The following ENTREP2 variants were observed in gnomAD, a reference collection of about 807,000 sequenced individuals.
ENTREP2 encodes the protein endosomal transmembrane epsin interactor 2.
At chr15:29,548,862 G>C in the ENTREP2 span, among the ~76,000 whole-genome samples, 1 of 152,144 alleles carries the variant, frequency 6.6e-6, no homozygotes, top group Non-Finnish European at 1.5e-5. Context: ...AAACGATTCA[G>C]GGAACCTACT....
the ENTREP2 span, among the ~76,000 whole-genome samples, chr15:29,589,019 A>C: frequency 6.6e-6 from 1 of 152,066 alleles, no homozygotes; most frequent in African/African-American, 2.4e-5. Context: ...AAAGAAAAAA[A>C]AGGCTAAACT....
the ENTREP2 span, among the ~76,000 whole-genome samples, chr15:29,464,050 G>A: frequency 3.9e-4 from 60 of 152,124 alleles, no homozygotes; most frequent in African/African-American, 1.4e-3. Context: ...TCCAGGGGCC[G>A]GGGAGAAGGG....
chr15:29,199,021 A>C, the ENTREP2 span, among the ~76,000 whole-genome samples: 1 of 152,174 alleles, frequency 6.6e-6, no homozygotes, highest in Non-Finnish European at 1.5e-5. Context: ...GATTGTTGCT[A>C]ATTTTTTTGC....
At chr15:29,175,417 G>A in the ENTREP2 span, among the ~76,000 whole-genome samples, 2 of 152,144 alleles carry the variant, frequency 1.3e-5, no homozygotes, top group East Asian at 1.9e-4. Flanking sequence ...TGAAAACACA[G>A]GCTCCTGCAG....
chr15:29,453,486 G>A, the ENTREP2 span, among the ~76,000 whole-genome samples: 1 of 152,208 alleles, frequency 6.6e-6, no homozygotes, highest in Non-Finnish European at 1.5e-5. Flanking sequence ...AGAAGGCCTG[G>A]GGAGGACCTG....
the ENTREP2 span, among the ~76,000 whole-genome samples, chr15:29,312,334 C>CAA: frequency 0.091 from 13,061 of 143,464 alleles, 632 homozygotes; most frequent in Admixed American, 0.13. Context: ...AAACAAGCAC[C>CAA]AAAAAAAAAA....
the ENTREP2 span, among the ~76,000 whole-genome samples, chr15:29,174,071 CG>C: frequency 1.3e-5 from 2 of 151,974 alleles, no homozygotes; most frequent in African/African-American, 4.8e-5. Context: ...CAATCTTAAT[CG>C]TAGGTGGAAA....
the ENTREP2 span, among the ~76,000 whole-genome samples, chr15:29,168,700 G>A: frequency 1.3e-5 from 2 of 152,134 alleles, no homozygotes; most frequent in Non-Finnish European, 1.5e-5. Context: ...TAAAAATGTC[G>A]ATGGATTTTG....
chr15:29,621,540 A>AC, the ENTREP2 span, among the ~76,000 whole-genome samples: 1 of 144,386 alleles, frequency 6.9e-6, no homozygotes, highest in Admixed American at 6.9e-5. Flanking sequence ...AAAAAAAAAA[A>AC]AAAAAAAAAA....
At chr15:29,149,346 T>C in the ENTREP2 span, among the ~76,000 whole-genome samples, 1 of 152,254 alleles carries the variant, frequency 6.6e-6, no homozygotes, top group Admixed American at 6.5e-5. Flanking sequence ...TACATAGTAC[T>C]AGAATATGTA....
At chr15:29,196,544 C>T in the ENTREP2 span, 1 of 1,551,406 alleles carries the variant, frequency 6.4e-7, no homozygotes. Context: ...AGACACACAC[C>T]TCCACACTGT....
At chr15:29,345,492 C>A in the ENTREP2 span, among the ~76,000 whole-genome samples, 1 of 152,132 alleles carries the variant, frequency 6.6e-6, no homozygotes, top group Non-Finnish European at 1.5e-5. Flanking sequence ...GCCCCTTCTA[C>A]CCCTGCAAGC....
the ENTREP2 span, among the ~76,000 whole-genome samples, chr15:29,438,035 T>C: frequency 6.6e-6 from 1 of 152,208 alleles, no homozygotes; most frequent in Non-Finnish European, 1.5e-5. Context: ...GGACCCCACC[T>C]GGACAGTCAA....
chr15:29,602,615 G>A, the ENTREP2 span, among the ~76,000 whole-genome samples: 2 of 152,064 alleles, frequency 1.3e-5, no homozygotes, highest in East Asian at 3.9e-4. Flanking sequence ...TCAGCTCATT[G>A]CAACCTCCAC....
the ENTREP2 span, among the ~76,000 whole-genome samples, chr15:29,213,133 C>G: frequency 1.3e-5 from 2 of 152,202 alleles, no homozygotes; most frequent in Non-Finnish European, 2.9e-5. Flanking sequence ...GGGCTCTGTT[C>G]TGTTCCGTTG....
the ENTREP2 span, among the ~76,000 whole-genome samples, chr15:29,510,615 C>T: frequency 6.6e-6 from 1 of 151,638 alleles, no homozygotes; most frequent in Non-Finnish European, 1.5e-5. Flanking sequence ...ACCATCCTGG[C>T]TAACACGATG....
the ENTREP2 span, among the ~76,000 whole-genome samples, chr15:29,397,478 G>T: frequency 6.6e-6 from 1 of 152,150 alleles, no homozygotes; most frequent in Admixed American, 6.5e-5. Flanking sequence ...GTCCCTTGCT[G>T]CCTGTCAAGC....
At chr15:29,181,521 A>G in the ENTREP2 span, among the ~76,000 whole-genome samples, 2 of 152,306 alleles carry the variant, frequency 1.3e-5, no homozygotes, top group African/African-American at 4.8e-5. Flanking sequence ...TTAATAAAAG[A>G]AAAGCAAAGT....
At chr15:29,186,120 T>C in the ENTREP2 span, among the ~76,000 whole-genome samples, 2 of 152,120 alleles carry the variant, frequency 1.3e-5, no homozygotes, top group African/African-American at 4.8e-5. Flanking sequence ...CTTTAGAGTG[T>C]GAAAATGGGT....
Sources: gnomAD v4.1 joint callset for allele counts (sites outside exome capture counted in the v4.1 genomes callset) on GRCh38, gnomAD v4.1.1 for gene constraint, MANE v1.5 for transcripts, NCBI Gene and HGNC (gene_info 2026-07-23, HGNC 2026-07-21) for gene names.